The following TIAM1 variants were observed in gnomAD, a reference collection of about 807,000 sequenced individuals.
TIAM1 encodes rho guanine nucleotide exchange factor TIAM1.
TIAM1 carries 65 observed loss-of-function variants against 163.5 expected under a neutral mutation model. The ratio of observed to expected loss-of-function variants is 0.40; its 90% CI spans 0.33 to 0.49. The LOEUF (loss-of-function observed/expected upper bound fraction) is 0.49, where lower values mean the gene tolerates loss of function less well. Ranked by LOEUF, TIAM1 falls within the 20% of genes least tolerant of loss-of-function variation. TIAM1 has a pLI of 0.77. For synonymous variants in TIAM1, 833 were observed against 810.1 expected, an observed-to-expected ratio of 1.03 and a Z score of -0.48; for missense variants, 1,789 against 2,044.7, an observed-to-expected ratio of 0.87 and a Z score of 2.41.
At chr21:31,385,303 T>TATAG (rs1050321956) in intron 2 of TIAM1, among the ~76,000 whole-genome samples, 1 of 152,174 alleles carries the variant, frequency 6.6e-6, no homozygotes, top group South Asian at 2.1e-4. Context: ...GTGTGTTCTT[T>TATAG]ATAGATAGAT....
chr21:31,434,368 G>T (rs1011508655), intron 2 of TIAM1, among the ~76,000 whole-genome samples: 5 of 152,158 alleles, frequency 3.3e-5, no homozygotes, highest in African/African-American at 1.2e-4. Flanking sequence ...CGGCTGCTAG[G>T]CCTTAGCACA....
At chr21:31,144,830 G>GAAAAAAAAAAAAAAAAAAAAA (rs764835303) in intron 20 of TIAM1, among the ~76,000 whole-genome samples, 18 of 74,492 alleles carry the variant, frequency 2.4e-4, no homozygotes, top group East Asian at 4.0e-4. Flanking sequence ...CTCCATCTCA[G>GAAAAAAAAAAAAAAAAAAAAA]AAAAAAAAAA....
chr21:31,213,838 T>C (rs981305417), intron 9 of TIAM1, among the ~76,000 whole-genome samples: 2 of 131,026 alleles, frequency 1.5e-5, no homozygotes, highest in African/African-American at 6.1e-5. Context: ...GAGACCAGCC[T>C]GGGCAATATA....
intron 7 of TIAM1, among the ~76,000 whole-genome samples, chr21:31,224,789 A>T (rs1301486374): frequency 6.6e-6 from 1 of 152,218 alleles, no homozygotes; most frequent in East Asian, 1.9e-4. Context: ...TGGAAGGCCC[A>T]TGTCAATTGT....
At chr21:31,529,130 A>T (rs978827112) in intron 1 of TIAM1, among the ~76,000 whole-genome samples, 8 of 151,802 alleles carry the variant, frequency 5.3e-5, no homozygotes, top group African/African-American at 1.2e-4. Context: ...CGTGTTAGCC[A>T]GGATGGTCTC....
chr21:31,354,716 C>T (rs2284499), intron 2 of TIAM1, among the ~76,000 whole-genome samples: 14 of 152,150 alleles, frequency 9.2e-5, no homozygotes, highest in African/African-American at 3.1e-4. Context: ...GAGTTACTAC[C>T]GGTGTGGAGG....
intron 2 of TIAM1, among the ~76,000 whole-genome samples, chr21:31,328,083 A>G (rs930650734): frequency 6.6e-6 from 1 of 152,048 alleles, no homozygotes; most frequent in Non-Finnish European, 1.5e-5. Context: ...CTGTCAGCAC[A>G]GGGCTCGCTT....
chr21:31,368,260 G>C (rs1198864755), intron 2 of TIAM1, among the ~76,000 whole-genome samples: 1 of 151,686 alleles, frequency 6.6e-6, no homozygotes, highest in African/African-American at 2.4e-5. Flanking sequence ...TTCTTAAAAG[G>C]CTCCTCAGGG....
chr21:31,441,528 C>A (rs2044417260), intron 2 of TIAM1, among the ~76,000 whole-genome samples: 1 of 152,126 alleles, frequency 6.6e-6, no homozygotes, highest in South Asian at 2.1e-4. Flanking sequence ...ATAGCAGAGC[C>A]ACAATATGGA....
At chr21:31,462,753 T>C (rs940138081) in intron 2 of TIAM1, among the ~76,000 whole-genome samples, 1 of 149,902 alleles carries the variant, frequency 6.7e-6, no homozygotes, top group Non-Finnish European at 1.5e-5. Flanking sequence ...TTTTTTGTTT[T>C]TTTTTTTGAG....
intron 8 of TIAM1, among the ~76,000 whole-genome samples, chr21:31,218,360 G>A (rs963075696): frequency 2.0e-5 from 3 of 152,118 alleles, no homozygotes; most frequent in African/African-American, 7.2e-5. Flanking sequence ...CTGAGGTCAG[G>A]AGTTCGAGAC....
chr21:31,386,861 C>G (rs2076880618), intron 2 of TIAM1, among the ~76,000 whole-genome samples: 1 of 152,216 alleles, frequency 6.6e-6, no homozygotes, highest in Non-Finnish European at 1.5e-5. Flanking sequence ...GGGGCACTGA[C>G]AGCCGGAATG....
chr21:31,359,876 G>A (rs1169286270), intron 2 of TIAM1, among the ~76,000 whole-genome samples: 2 of 150,044 alleles, frequency 1.3e-5, no homozygotes, highest in African/African-American at 4.9e-5. Context: ...GAGGGAGGGA[G>A]GAAAGACAAT....
intron 1 of TIAM1, among the ~76,000 whole-genome samples, chr21:31,531,018 G>A (rs767080854): frequency 6.6e-6 from 1 of 151,992 alleles, no homozygotes; most frequent in Non-Finnish European, 1.5e-5. Flanking sequence ...TCCAGATGGC[G>A]GCTTGTACTT....
At chr21:31,210,633 GA>G (rs1569031895) in intron 10 of TIAM1, among the ~76,000 whole-genome samples, 1 of 39,540 alleles carries the variant, frequency 2.5e-5, no homozygotes, top group Admixed American at 2.6e-4. Flanking sequence ...AAGAAAGAAA[GA>G]AAGAAAGAAA....
intron 1 of TIAM1, among the ~76,000 whole-genome samples, chr21:31,488,297 T>C (rs1602400932): frequency 1.3e-5 from 2 of 152,190 alleles, no homozygotes; most frequent in South Asian, 4.1e-4. Flanking sequence ...CTGAGGCACA[T>C]AATGAACACA....
chr21:31,445,730 T>C (rs1218252278), intron 2 of TIAM1, among the ~76,000 whole-genome samples: 1 of 152,060 alleles, frequency 6.6e-6, no homozygotes, highest in African/African-American at 2.4e-5. Context: ...CTATCAACCA[T>C]TGTTTCCTGG....
At chr21:31,165,926 G>A (rs1324379297) in intron 15 of TIAM1, among the ~76,000 whole-genome samples, 1 of 152,192 alleles carries the variant, frequency 6.6e-6, no homozygotes, top group Non-Finnish European at 1.5e-5. Flanking sequence ...GTGCAAAAGT[G>A]CAAGCAACTT....
intron 1 of TIAM1, among the ~76,000 whole-genome samples, chr21:31,545,484 G>C (rs886622676): frequency 5.3e-5 from 8 of 152,162 alleles, no homozygotes; most frequent in African/African-American, 1.9e-4. Flanking sequence ...TCAATGCTTT[G>C]GGACATTCAG....
Sources: allele counts gnomAD v4.1 joint callset (sites outside exome capture counted in the v4.1 genomes callset), GRCh38; gene constraint gnomAD v4.1.1; transcripts MANE v1.5; gene names NCBI Gene and HGNC (gene_info 2026-07-23, HGNC 2026-07-21).